GRHL3: variants seen among roughly 807,000 people sequenced by gnomAD.
GRHL3 encodes grainyhead-like protein 3 homolog.
In GRHL3, 20 loss-of-function variants were observed where a neutral mutation model predicts 70.3. The observed-to-expected ratio is 0.28, with a 90% CI of 0.20 to 0.41. The LOEUF (loss-of-function observed/expected upper bound fraction) is 0.41, where lower values mean the gene tolerates loss of function less well. Ranked by LOEUF, GRHL3 falls within the 10% of genes least tolerant of loss-of-function variation. GRHL3 has a pLI of 1.00. For synonymous variants in GRHL3, 299 were observed against 299.9 expected, an observed-to-expected ratio of 1.00 and a Z score of 0.03; for missense variants, 637 against 762.3, an observed-to-expected ratio of 0.84 and a Z score of 1.94.
chr1:24,339,560 T>G, intron 7 of GRHL3, 108 bp from the exon 8 acceptor site: 8 of 692,450 alleles, frequency 1.2e-5, no homozygotes, highest in Non-Finnish European at 2.0e-5. Context: ...ATTACAGGCG[T>G]GAGAAACCAC....
At chr1:24,352,979 T>G (rs1347475128) in intron 15 of GRHL3, among the ~76,000 whole-genome samples, 1 of 152,220 alleles carries the variant, frequency 6.6e-6, no homozygotes, top group Non-Finnish European at 1.5e-5. Context: ...CGGGGGGTCC[T>G]CGTGCCTGCC....
chr1:24,358,396 G>T (rs752372273), downstream of GRHL3: 38 of 754,262 alleles, frequency 5.0e-5, no homozygotes, highest in Middle Eastern at 2.3e-3. Context: ...GCAGCAGTCC[G>T]GCTAGGATGC....
intron 7 of GRHL3, 43 bp downstream of exon 7, chr1:24,338,146 C>G (rs1301283817): frequency 7.6e-7 from 1 of 1,314,348 alleles, no homozygotes; most frequent in African/African-American, 1.5e-5. Flanking sequence ...CCCTCTCTCT[C>G]CCCACCCCCG....
chr1:24,339,862 C>T (rs546482595), intron 8 of GRHL3, 100 bp downstream of exon 8: 54 of 689,550 alleles, frequency 7.8e-5, no homozygotes, highest in African/African-American at 5.5e-4. Flanking sequence ...TCATTTGCTC[C>T]GACGAGGGCA....
chr1:24,357,761 C>G (rs1640816837), downstream of GRHL3: 1 of 182,278 alleles, frequency 5.5e-6, no homozygotes, highest in Admixed American at 5.4e-5. Context: ...TTCTTTTTCC[C>G]TCCACATAGA....
At chr1:24,344,766 C>A (rs1640178412) in intron 11 of GRHL3, 131 bp from the exon 12 acceptor site, 2 of 962,228 alleles carry the variant, frequency 2.1e-6, no homozygotes, top group Non-Finnish European at 3.3e-6. Context: ...GCAGAATGGG[C>A]TAGAAAGGCA....
At chr1:24,320,178 G>A (rs959562913) in intron 1 of GRHL3, among the ~76,000 whole-genome samples, 5 of 152,208 alleles carry the variant, frequency 3.3e-5, no homozygotes, top group African/African-American at 1.2e-4. Context: ...AGAATGCTTT[G>A]TAGAATTCTG....
At chr1:24,333,245 C>T (rs1471987094) in intron 2 of GRHL3, among the ~76,000 whole-genome samples, 2 of 152,186 alleles carry the variant, frequency 1.3e-5, no homozygotes, top group Non-Finnish European at 2.9e-5. Flanking sequence ...ACAGTGATGA[C>T]ATGGTCTGAT....
At chr1:24,332,213 G>C (rs1243922554) in intron 2 of GRHL3, among the ~76,000 whole-genome samples, 1 of 151,922 alleles carries the variant, frequency 6.6e-6, no homozygotes, top group Non-Finnish European at 1.5e-5. Context: ...CTTCCTTCGG[G>C]GCCTTCCCAA....
intron 1 of GRHL3, 95 bp downstream of exon 1, chr1:24,319,663 T>C: frequency 6.2e-7 from 1 of 1,609,420 alleles, no homozygotes; most frequent in Non-Finnish European, 8.5e-7. Flanking sequence ...GGCACCGGGA[T>C]TCACAGAGCA....
At chr1:24,351,412 T>C (rs1407460365) in intron 15 of GRHL3, among the ~76,000 whole-genome samples, 1 of 151,708 alleles carries the variant, frequency 6.6e-6, no homozygotes, top group Non-Finnish European at 1.5e-5. Flanking sequence ...AAGGGGGTTT[T>C]TTTTGGTTTT....
rs1435437981 is a variant in GRHL3 at position 24,331,328 on chromosome 1, G to A, written c.18-98G>A. 3.4e-5 allele frequency: 39 copies of A among 1,132,410 alleles called. No homozygotes were observed. In the South Asian group the frequency reaches 4.5e-4, roughly 13 times the overall value. 70.1% of individuals were successfully genotyped at this position (1,132,410 alleles called of 1,614,324 possible). ...GAAGAGGCAGTTTCATGTTTTCAAA[G>A]CTAATAACTCTGAATTCCTGGGCGT... On this transcript the variant is annotated intron_variant, in intron 1 of 15. Coordinates refer to ENST00000361548, the MANE Select transcript of GRHL3 (RefSeq NM_198173.3).
chr1:24,340,343 T>C (rs1276732336), intron 8 of GRHL3, among the ~76,000 whole-genome samples: 1 of 152,126 alleles, frequency 6.6e-6, no homozygotes, highest in African/African-American at 2.4e-5. Flanking sequence ...ACCTGCCTGC[T>C]AGGATTGGAG....
rs1639966592 is a variant in GRHL3, at chr1:24,339,720, T to C, written c.1005T>C (p.Tyr335=). 3 of 1,613,428 alleles carry C rather than the reference T, an allele frequency of 1.9e-6. No homozygotes were observed. Among genetic ancestry groups the C allele is most frequent in the African/African-American group, 1.3e-5 (1 of 74,934 alleles). ...TGGAGCACATTGAGGAGGTGGCCTA[T>C]AATGCACTGTCCTTTGTGTGGAACG... The part of the protein sequence containing the change: ...NTVEHIEEVA[Y]NALSFVWNVN... Residue 335 remains tyrosine (Y), a synonymous_variant, in exon 8 of 16, where the codon TAT becomes TAC. Transcript: ENST00000361548.
rs1353391580 is a variant in GRHL3 at position 24,337,970 on chromosome 1, CTG to C, written c.841-19_841-18del. ...GGCTCTAGGAAGAGGCCGGGAGTGA[CTG>C]TGACCAACTGTGCTTGCAGAGTGTG... On this transcript the variant is annotated intron_variant, in intron 6 of 15. Transcript: ENST00000361548. 19 of 1,573,706 alleles carry C rather than the reference CTG, an allele frequency of 1.2e-5. No individual in the cohort carries two copies. Among genetic ancestry groups the C allele is most frequent in the Non-Finnish European group, 1.5e-5 (17 of 1,154,298 alleles).
chr1:24,339,990 C>T (rs985071651), intron 8 of GRHL3, among the ~76,000 whole-genome samples: 3 of 152,196 alleles, frequency 2.0e-5, no homozygotes, highest in Non-Finnish European at 2.9e-5. Context: ...GGACCAGTGC[C>T]TTAGTCCCTC....
chr1:24,337,603 C>T, intron 5 of GRHL3, 33 bp from the exon 6 acceptor site: 1 of 1,611,254 alleles, frequency 6.2e-7, no homozygotes, highest in Non-Finnish European at 8.5e-7. Context: ...GCCTGGGAGC[C>T]CAGCCTCACT....
Position 24,342,860 on chromosome 1 carries a change from C to A in GRHL3, c.1286-32C>A. ...GTGGGAGGGACTTGAGTGGAGGGAC[C>A]TCGGGGCACATTGGCTTCCTTCTCC... is the stretch of plus-strand genomic sequence containing the variant. On this transcript the variant is annotated intron_variant, in intron 10 of 15. Transcript: ENST00000361548. The surrounding 1 kb of genome is among the most constrained non-coding windows in gnomAD (Gnocchi z 4.8). 1 of 1,614,108 alleles carries A rather than the reference C, an allele frequency of 6.2e-7. No individual in the cohort carries two copies.
At chr1:24,358,655 G>C (rs1640887621), downstream of GRHL3, 1 of 1,532,596 alleles carries the variant, frequency 6.5e-7, no homozygotes, top group Non-Finnish European at 9.0e-7. Context: ...CATTAAGAGA[G>C]AAAAGGCCCA....
Sources: gnomAD v4.1 joint callset for allele counts (sites outside exome capture counted in the v4.1 genomes callset) on GRCh38, gnomAD v4.1.1 for gene constraint, Gnocchi (gnomAD v3.1) non-coding constraint, MANE v1.5 for transcripts, NCBI Gene and HGNC (gene_info 2026-07-23, HGNC 2026-07-21) for gene names.